The following KIAA0586 variants were observed in gnomAD, a reference collection of about 807,000 sequenced individuals.
KIAA0586 encodes protein TALPID3.
Under a neutral mutation model 169.8 loss-of-function variants are expected in KIAA0586, and 144 were observed. That is an observed-to-expected ratio of 0.85 (90% CI 0.74 to 0.97). KIAA0586 has a LOEUF of 0.97. KIAA0586 is among the 50% of genes least tolerant of loss of function. The probability of loss-of-function intolerance (pLI) is 0.00; values close to 1 mark genes in which losing one functional copy is unlikely to be tolerated. For missense variants in KIAA0586, 1,854 were observed against 1,823.0 expected (o/e 1.02, Z -0.31); for synonymous variants, 625 against 612.4 (o/e 1.02, Z -0.30).
At chr14:58,503,147 C>T (rs2043694123) in intron 27 of KIAA0586, among the ~76,000 whole-genome samples, 1 of 152,136 alleles carries the variant, frequency 6.6e-6, no homozygotes, top group Non-Finnish European at 1.5e-5. Flanking sequence ...CTACCAACTA[C>T]AGCTTTTTAT....
At position 58,456,757 on chromosome 14, in the gene KIAA0586, G is replaced by A; in HGVS notation, c.1309G>A (p.Asp437Asn). Reference sequence around the variant, plus strand: ...TAAAGTGACTATGCAGAAGTCTGATGATGTTCTTCATGACCTTGGCCAAAA... The same window carrying A: ...TAAAGTGACTATGCAGAAGTCTGATAATGTTCTTCATGACCTTGGCCAAAA... Reference protein sequence around the residue: ...TTKVTMQKSDDVLHDLGQKEK... With the variant: ...TTKVTMQKSDNVLHDLGQKEK... Residue 437 changes from aspartate (D) to asparagine (N), a missense_variant, in exon 10 of 31, where the codon GAT becomes AAT. Physicochemically the swap from Asp to Asn is conservative, Grantham distance 23. Coordinates refer to ENST00000652326, the MANE Select transcript of KIAA0586 (RefSeq NM_001329943.3). 2 of 1,606,064 alleles carry A rather than the reference G, an allele frequency of 1.2e-6. No homozygotes were observed. Among genetic ancestry groups the A allele is most frequent in the Non-Finnish European group, 1.7e-6 (2 of 1,175,926 alleles).
intron 26 of KIAA0586, among the ~76,000 whole-genome samples, chr14:58,497,704 T>G (rs572091211): frequency 6.6e-6 from 1 of 152,142 alleles, no homozygotes; most frequent in African/African-American, 2.4e-5. Context: ...GGGTAACCTT[T>G]ATGCTGTTTA....
In KIAA0586 at chr14:58,428,044, C is replaced by A; in HGVS notation, c.-221C>A. On this transcript the variant is annotated 5_prime_UTR_variant, in exon 1 of 31. Transcript: ENST00000652326. ...TGTCATCCCCACTTTCACATTTTGG[C>A]GTGGTGTATTAATAGACTGAGTGGG... The A allele has an allele frequency of 1.4e-6, 2 of 1,429,732 alleles. No homozygotes were observed. The highest frequency in any genetic ancestry group is 1.5e-5 in the South Asian group (1 of 64,664). The allele number at this position is 1,429,732 out of a possible 1,614,324, so 88.6% of individuals were successfully genotyped here. A position where few individuals can be genotyped will look rare whatever the true frequency, so the allele number is the denominator to read the frequency against.
chr14:58,459,785 T>C, intron 12 of KIAA0586, 58 bp from the exon 13 acceptor site: 1 of 942,750 alleles, frequency 1.1e-6, no homozygotes, highest in Non-Finnish European at 1.5e-6. Flanking sequence ...TACTTTCTGA[T>C]GTGAAAGCAT....
At chr14:58,555,099 CTTTTTTTTTTTTT>C (rs35845234), downstream of KIAA0586, among the ~76,000 whole-genome samples, 4 of 102,560 alleles carry the variant, frequency 3.9e-5, no homozygotes, top group African/African-American at 1.6e-4. Flanking sequence ...TTCTTTCTTT[CTTTTTTTTTTTTT>C]TTTTTTTTGA....
intron 4 of KIAA0586, chr14:58,441,008 A>G (rs1254309563): frequency 5.5e-6 from 1 of 182,474 alleles, no homozygotes; most frequent in African/African-American, 2.3e-5. Context: ...TCATCACATA[A>G]AAAGATAATT....
chr14:58,501,571 A>G (rs1318012512), intron 27 of KIAA0586, among the ~76,000 whole-genome samples: 1 of 151,110 alleles, frequency 6.6e-6, no homozygotes, highest in Admixed American at 6.6e-5. Flanking sequence ...CAGATTACCT[A>G]TAGTACAGTG....
chr14:58,488,073 C>G lies in KIAA0586; in HGVS notation c.3491C>G (p.Pro1164Arg), dbSNP rs1164894452. Residue 1164 changes from proline (P) to arginine (R), a missense_variant, in exon 23 of 31, where the codon CCT becomes CGT. By Grantham distance (103) the Pro-to-Arg change is moderately radical (BLOSUM62 -2). Transcript: ENST00000652326. ...GACCTGCCACTGGAAGAAGAGAACC[C>G]TAACTCACCTCAAGAAGAACTTCAT... ...DGDLPLEEEN[P>R]NSPQEELHPR... 2.5e-6 allele frequency: 4 copies of G among 1,607,468 alleles called. No individual in the cohort carries two copies. The highest frequency in any genetic ancestry group is 1.7e-5 in the Admixed American group (1 of 58,918).
At chr14:58,504,075 T>G (rs2043767558) in intron 27 of KIAA0586, among the ~76,000 whole-genome samples, 1 of 152,214 alleles carries the variant, frequency 6.6e-6, no homozygotes, top group Non-Finnish European at 1.5e-5. Context: ...TATTCATCAG[T>G]CTGTTAAAGA....
At chr14:58,540,400 A>C (rs538079444) in intron 30 of KIAA0586, among the ~76,000 whole-genome samples, 1 of 152,354 alleles carries the variant, frequency 6.6e-6, no homozygotes, top group Non-Finnish European at 1.5e-5. Context: ...TGGTATTCAG[A>C]GCACTAAGGA....
intron 30 of KIAA0586, among the ~76,000 whole-genome samples, chr14:58,544,942 T>C (rs2046889138): frequency 6.6e-6 from 1 of 152,248 alleles, no homozygotes; most frequent in Non-Finnish European, 1.5e-5. Flanking sequence ...TTTTCCTTCA[T>C]TGCCTTCCCA....
In KIAA0586 at chr14:58,470,622, A is replaced by G. The variant is rs1463513393; in HGVS notation, c.2452A>G (p.Ser818Gly). The G allele has an allele frequency of 1.9e-6, 3 of 1,586,678 alleles. No individual in the cohort carries two copies. Among genetic ancestry groups the G allele is most frequent in the Non-Finnish European group, 1.7e-6 (2 of 1,155,726 alleles). Residue 818 changes from serine to glycine, a missense_variant, in exon 17 of 31, where the codon AGT (serine) becomes GGT (glycine). Transcript: ENST00000652326. ...TTGTATTCTGTTTTAGGTATTACCC[A>G]GTGTAGATATTGACAGCATTTCAAA... ...PPQLTVQVLPSVDIDSISNSS... is the reference protein window; with the variant it reads ...PPQLTVQVLPGVDIDSISNSS...
chr14:58,505,330 G>A (rs1390916720), intron 27 of KIAA0586, among the ~76,000 whole-genome samples: 1 of 152,096 alleles, frequency 6.6e-6, no homozygotes, highest in Non-Finnish European at 1.5e-5. Flanking sequence ...TCATAGTGTT[G>A]ATTTCCAATA....
intron 24 of KIAA0586, 146 bp from the exon 25 acceptor site, chr14:58,490,018 A>G (rs2042732492): frequency 5.9e-6 from 3 of 504,832 alleles, no homozygotes; most frequent in Non-Finnish European, 1.0e-5. Context: ...AAGATTGAGT[A>G]GTTTGTGAAT....
intron 26 of KIAA0586, among the ~76,000 whole-genome samples, chr14:58,496,623 T>C (rs899581069): frequency 3.3e-5 from 5 of 152,196 alleles, no homozygotes; most frequent in Non-Finnish European, 7.3e-5. Flanking sequence ...GAGATGTACA[T>C]AGGAGAATGA....
At chr14:58,468,212 A>T (rs1478122674) in intron 16 of KIAA0586, among the ~76,000 whole-genome samples, 1 of 151,502 alleles carries the variant, frequency 6.6e-6, no homozygotes, top group Admixed American at 6.6e-5. Flanking sequence ...TGCCCAGCTA[A>T]TTTTTTGTAT....
intron 22 of KIAA0586, among the ~76,000 whole-genome samples, chr14:58,487,565 C>G (rs2042546051): frequency 6.6e-6 from 1 of 151,552 alleles, no homozygotes; most frequent in Non-Finnish European, 1.5e-5. Flanking sequence ...GAGATCGCAC[C>G]ATTGCACTCC....
At chr14:58,463,862 T>C (rs552670716) in intron 14 of KIAA0586, 33 of 277,382 alleles carry the variant, frequency 1.2e-4, no homozygotes, top group Non-Finnish European at 2.1e-4. Context: ...AAAAATTAGA[T>C]ACATAGAAAC....
In KIAA0586 at chr14:58,428,245, C is replaced by T; in HGVS notation, c.-20C>T. 6.2e-7 allele frequency: 1 copy of T among 1,610,094 alleles called. No homozygotes were observed. The highest frequency in any genetic ancestry group is 8.5e-7 in the Non-Finnish European group (1 of 1,178,248). On this transcript the variant is annotated 5_prime_UTR_variant, in exon 1 of 31. Transcript: ENST00000652326. Reference sequence around the variant, plus strand: ...AGTTTTTCCGTCCTTAAGTGTGGGACTTGTTTTGTGACCAACAATATGAAA... The same window carrying T: ...AGTTTTTCCGTCCTTAAGTGTGGGATTTGTTTTGTGACCAACAATATGAAA...
Sources: gnomAD v4.1 joint callset for allele counts (sites outside exome capture counted in the v4.1 genomes callset) on GRCh38, gnomAD v4.1.1 for gene constraint, MANE v1.5 for transcripts, NCBI Gene and HGNC (gene_info 2026-07-23, HGNC 2026-07-21) for gene names.